The following TRMT10A variants were observed in gnomAD, a reference collection of about 807,000 sequenced individuals.
TRMT10A encodes the protein tRNA methyltransferase 10A.
TRMT10A carries 37 observed loss-of-function variants against 40.4 expected under a neutral mutation model. The observed-to-expected ratio is 0.92, with a 90% CI of 0.71 to 1.21. The LOEUF (loss-of-function observed/expected upper bound fraction) is 1.21, where lower values mean the gene tolerates loss of function less well. Ranked by LOEUF, TRMT10A falls within the 50% of genes most tolerant of loss-of-function variation. TRMT10A has a pLI of 0.00. For synonymous variants in TRMT10A, 103 were observed against 134.1 expected, an observed-to-expected ratio of 0.77 and a Z score of 1.60; for missense variants, 388 against 404.3, an observed-to-expected ratio of 0.96 and a Z score of 0.35.
intron 7 of TRMT10A, 47 bp downstream of exon 7, chr4:99,550,838 C>G (rs1323606901): frequency 3.0e-6 from 4 of 1,348,496 alleles, no homozygotes; most frequent in Non-Finnish European, 4.2e-6. Context: ...TATTCTTTCT[C>G]ACAATGTTCG....
chr4:99,559,406 A>G lies in TRMT10A; in HGVS notation c.-23-45T>C, dbSNP rs1578213848. ...ATTTACAAGCACAAAAAAGTTAAAA[A>G]ACTCAAATAATCAATATGATTAAAG... On this transcript the variant is annotated intron_variant, in intron 1 of 7. Coordinates refer to ENST00000394876, the MANE Select transcript of TRMT10A (RefSeq NM_001134665.3). 3 of 1,270,380 alleles carry G rather than the reference A, an allele frequency of 2.4e-6. No individual in the cohort carries two copies. In the East Asian group the frequency reaches 7.2e-5, roughly 31 times the overall value. 78.7% of individuals were successfully genotyped at this position (1,270,380 alleles called of 1,614,324 possible). A position where few individuals can be genotyped will look rare whatever the true frequency, so the allele number is the denominator to read the frequency against.
At position 99,550,898 on chromosome 4, in the gene TRMT10A, C is replaced by A; in HGVS notation, c.738G>T (p.Leu246Phe). 10 of 1,612,784 alleles carry A rather than the reference C, an allele frequency of 6.2e-6. No individual in the cohort carries two copies. The highest frequency in any genetic ancestry group is 8.5e-6 in the Non-Finnish European group (10 of 1,179,374). Residue 246 changes from leucine (L) to phenylalanine (F), a missense_variant, in exon 7 of 8, where the codon TTG becomes TTT. By Grantham distance (22) the Leu-to-Phe change is conservative. Coordinates refer to ENST00000394876, the MANE Select transcript of TRMT10A (RefSeq NM_001134665.3). ...CTTACAGCTTACCATGATTAACTGCCAAAACTTTTCGACTATTCATCTTCA... is the reference window on the plus strand; with the variant it reads ...CTTACAGCTTACCATGATTAACTGCAAAAACTTTTCGACTATTCATCTTCA... ...NFVKMNSRKVLAVNHVFEIIL... is the reference protein window; with the variant it reads ...NFVKMNSRKVFAVNHVFEIIL...
Position 99,558,070 on chromosome 4 carries a change from A to C in TRMT10A, c.327T>G (p.Phe109Leu). Reference sequence around the variant, plus strand: ...ATACCTTTAATACCATCAAGTGATCAAAACTACAGTCAATAATAAGGCGAA... The same window carrying C: ...ATACCTTTAATACCATCAAGTGATCCAAACTACAGTCAATAATAAGGCGAA... ...STLRLIIDCSFDHLMVLKDIK... is the reference protein window; with the variant it reads ...STLRLIIDCSLDHLMVLKDIK... The change falls in exon 3 of 8, where the codon TTT becomes TTG. Residue 109 changes from phenylalanine to leucine, a missense_variant. Phe to Leu is a conservative substitution (Grantham distance 22, BLOSUM62 0). Transcript: ENST00000394876. 3 of 1,597,772 alleles carry C rather than the reference A, an allele frequency of 1.9e-6. No homozygotes were observed. The highest frequency in any genetic ancestry group is 2.6e-6 in the Non-Finnish European group (3 of 1,175,310).
intron 6 of TRMT10A, among the ~76,000 whole-genome samples, chr4:99,552,249 C>T (rs1723992991): frequency 6.6e-6 from 1 of 152,170 alleles, no homozygotes; most frequent in South Asian, 2.1e-4. Context: ...ACTGACTCAC[C>T]TAGAGCAACT....
At chr4:99,558,871 G>T (rs750871436) in intron 2 of TRMT10A, among the ~76,000 whole-genome samples, 44 of 152,032 alleles carry the variant, frequency 2.9e-4, no homozygotes, top group Non-Finnish European at 8.8e-5. Context: ...TCATAATAAG[G>T]TTCTGCATTA....
intron 7 of TRMT10A, among the ~76,000 whole-genome samples, chr4:99,550,570 T>C (rs911886769): frequency 1.3e-5 from 2 of 152,174 alleles, no homozygotes; most frequent in African/African-American, 4.8e-5. Flanking sequence ...CACAACATTG[T>C]ATGTAATATA....
At chr4:99,558,316 T>C (rs115800975) in intron 2 of TRMT10A, 105 bp from the exon 3 acceptor site, 31 of 1,041,958 alleles carry the variant, frequency 3.0e-5, no homozygotes, top group Non-Finnish European at 3.5e-5. Flanking sequence ...TTAAATCATA[T>C]GAAATTGTCA....
At chr4:99,563,768 G>C in intron 1 of TRMT10A, 145 bp downstream of exon 1, 1 of 477,888 alleles carries the variant, frequency 2.1e-6, no homozygotes, top group South Asian at 1.7e-5. Context: ...TTCAGCAAGA[G>C]CGCCGCAGGA....
At chr4:99,556,270 G>A in intron 4 of TRMT10A, 50 bp from the exon 5 acceptor site, 1 of 1,481,816 alleles carries the variant, frequency 6.7e-7, no homozygotes, top group Non-Finnish European at 9.3e-7. Context: ...GACCATTTAA[G>A]TCTAATATTT....
Position 99,547,973 on chromosome 4 carries a change from C to T in TRMT10A, c.*1115G>A, listed in dbSNP as rs1723801086. 6.6e-6 allele frequency: 1 copy of T among 152,056 alleles called. No homozygotes were observed. The highest frequency in any genetic ancestry group is 6.6e-5 in the Admixed American group (1 of 15,258). 9.4% of individuals were successfully genotyped at this position (152,056 alleles called of 1,614,324 possible). A position where few individuals can be genotyped will look rare whatever the true frequency, so the allele number is the denominator to read the frequency against. On this transcript the variant is annotated 3_prime_UTR_variant, in exon 8 of 8. Coordinates refer to ENST00000394876, the MANE Select transcript of TRMT10A (RefSeq NM_001134665.3). Reference sequence around the variant, plus strand: ...ACTGATAGGAAACTAAAACAGTTCCCTTTCACACTATTCTTTCTTGCCAAT... The same window carrying T: ...ACTGATAGGAAACTAAAACAGTTCCTTTTCACACTATTCTTTCTTGCCAAT...
chr4:99,564,032 T>TA lies in TRMT10A; in HGVS notation c.-144dup. 5 of 1,524,522 alleles carry TA rather than the reference T, an allele frequency of 3.3e-6. No homozygotes were observed. The highest frequency in any genetic ancestry group is 2.6e-6 in the Non-Finnish European group (3 of 1,137,354). 94.4% of individuals were successfully genotyped at this position (1,524,522 alleles called of 1,614,324 possible). Reference sequence around the variant, plus strand: ...AATTCCCAGAGGCAGGGGCGGTAGTTACGCAGTGGAGGCTACGGCGGTTGC... The same window carrying TA: ...AATTCCCAGAGGCAGGGGCGGTAGTTAACGCAGTGGAGGCTACGGCGGTTGC... On this transcript the variant is annotated 5_prime_UTR_variant, in exon 1 of 8. Coordinates refer to ENST00000394876, the MANE Select transcript of TRMT10A (RefSeq NM_001134665.3).
In TRMT10A at chr4:99,546,901, C is replaced by G. The variant is rs1158121940; in HGVS notation, c.*2187G>C. The G allele has an allele frequency of 6.6e-6, 1 of 151,772 alleles. No individual in the cohort carries two copies. Among genetic ancestry groups the G allele is most frequent in the East Asian group, 1.9e-4 (1 of 5,186 alleles). The allele number at this position is 151,772 out of a possible 1,614,324, so 9.4% of individuals were successfully genotyped here. A position where few individuals can be genotyped will look rare whatever the true frequency, so the allele number is the denominator to read the frequency against. On this transcript the variant is annotated 3_prime_UTR_variant, in exon 8 of 8. Coordinates refer to ENST00000394876, the MANE Select transcript of TRMT10A (RefSeq NM_001134665.3). ...ACCAAATTTTTAAATACCTCAGAAA[C>G]TAGTTATATCAAAAGAGGTAGTAAT... is the stretch of plus-strand genomic sequence containing the variant.
At chr4:99,560,881 A>G (rs1398282180) in intron 1 of TRMT10A, among the ~76,000 whole-genome samples, 1 of 152,126 alleles carries the variant, frequency 6.6e-6, no homozygotes, top group Non-Finnish European at 1.5e-5. Context: ...TCTGTTTATC[A>G]GTGGCATCAT....
In TRMT10A at chr4:99,553,884, G is replaced by A. The variant is rs1210539712; in HGVS notation, c.546C>T (p.Asp182=). Residue 182 remains aspartate, a synonymous_variant, in exon 6 of 8, where the codon GAC becomes GAT. Transcript: ENST00000394876. ...GTGAATCTGACGTAAGGTAAATCAG[G>A]TCTTCTTTCTTTATGAGTTCACTAT... ...EHYSELIKKE[D]LIYLTSDSPN... is the part of the protein sequence containing the mutation. 6.2e-7 allele frequency: 1 copy of A among 1,613,306 alleles called. No individual in the cohort carries two copies. Among genetic ancestry groups the A allele is most frequent in the Non-Finnish European group, 8.5e-7 (1 of 1,179,744 alleles).
At chr4:99,557,975 G>T (rs1482938380) in intron 3 of TRMT10A, 74 bp downstream of exon 3, 1 of 1,331,474 alleles carries the variant, frequency 7.5e-7, no homozygotes, top group African/African-American at 1.5e-5. Context: ...ACATAAAAGG[G>T]ATATTGCATA....
At chr4:99,557,887 A>G (rs985000221) in intron 3 of TRMT10A, 162 bp downstream of exon 3, 6 of 620,600 alleles carry the variant, frequency 9.7e-6, no homozygotes, top group South Asian at 4.4e-5. Flanking sequence ...CATATTTATT[A>G]TATCAATGCA....
chr4:99,563,805 C>T (rs1461806424), intron 1 of TRMT10A, 108 bp downstream of exon 1: 3 of 606,790 alleles, frequency 4.9e-6, no homozygotes, highest in Non-Finnish European at 9.2e-6. Context: ...CTGCTCCCCT[C>T]TCCCCCGGAA....
intron 6 of TRMT10A, among the ~76,000 whole-genome samples, chr4:99,553,052 C>T (rs1048440222): frequency 2.0e-5 from 3 of 152,072 alleles, no homozygotes; most frequent in Non-Finnish European, 4.4e-5. Flanking sequence ...AAAGATCATT[C>T]TGATAAAATT....
rs1244358655 is a variant in TRMT10A, at chr4:99,547,965, A to G, written c.*1123T>C. On this transcript the variant is annotated 3_prime_UTR_variant, in exon 8 of 8. Coordinates refer to ENST00000394876, the MANE Select transcript of TRMT10A (RefSeq NM_001134665.3). ...GTACAATTACTGATAGGAAACTAAA[A>G]CAGTTCCCTTTCACACTATTCTTTC... 1.3e-5 allele frequency: 2 copies of G among 152,126 alleles called. No individual in the cohort carries two copies. The highest frequency in any genetic ancestry group is 6.6e-5 in the Admixed American group (1 of 15,262). The allele number at this position is 152,126 out of a possible 1,614,324, so 9.4% of individuals were successfully genotyped here. A position where few individuals can be genotyped will look rare whatever the true frequency, so the allele number is the denominator to read the frequency against.
Sources: gnomAD v4.1 joint callset for allele counts (sites outside exome capture counted in the v4.1 genomes callset) on GRCh38, gnomAD v4.1.1 for gene constraint, MANE v1.5 for transcripts, NCBI Gene and HGNC (gene_info 2026-07-23, HGNC 2026-07-21) for gene names.